The following TSEN15 variants were observed in gnomAD, a reference collection of about 807,000 sequenced individuals.
TSEN15 encodes tRNA splicing endonuclease subunit 15, also known as tRNA-splicing endonuclease subunit Sen15.
In TSEN15, 10 loss-of-function variants were observed where a neutral mutation model predicts 20.5. The observed-to-expected ratio is 0.49, with a 90% CI of 0.30 to 0.83. TSEN15 has a LOEUF of 0.83. TSEN15 is among the 40% of genes least tolerant of loss of function. TSEN15 has a pLI of 0.06. For synonymous variants in TSEN15, 72 were observed against 80.1 expected (o/e 0.90, Z 0.54); for missense variants, 180 against 218.6 (o/e 0.82, Z 1.11).
intron 3 of TSEN15, among the ~76,000 whole-genome samples, chr1:184,084,527 G>A (rs1651227100): frequency 6.6e-6 from 1 of 151,398 alleles, no homozygotes; most frequent in Admixed American, 6.6e-5. Flanking sequence ...CAGGTGGGAT[G>A]GGGTGTGATA....
At chr1:184,085,655 C>T (rs1651249971) in intron 3 of TSEN15, among the ~76,000 whole-genome samples, 1 of 152,182 alleles carries the variant, frequency 6.6e-6, no homozygotes, top group African/African-American at 2.4e-5. Flanking sequence ...AGAGGACCAG[C>T]CTTGCGGGCA....
intron 3 of TSEN15, among the ~76,000 whole-genome samples, chr1:184,081,614 A>G (rs1257102064): frequency 6.6e-6 from 1 of 152,212 alleles, no homozygotes; most frequent in African/African-American, 2.4e-5. Flanking sequence ...GCCGGCAGGT[A>G]GATTTAACAA....
Position 184,053,873 on chromosome 1 carries a change from G to A in TSEN15, c.136-481G>A, listed in dbSNP as rs150488797. 3.1e-3 allele frequency among the ~76,000 whole-genome samples: 469 copies of A among 152,316 alleles called. 2 individuals are homozygous for A. The highest frequency in any genetic ancestry group is 7.3e-3 in the African/African-American group (305 of 41,566). On this transcript the variant is annotated intron_variant, in intron 1 of 4. Coordinates refer to ENST00000645668, the MANE Select transcript of TSEN15 (RefSeq NM_052965.4). ...TACCCACTAACATGTCCCATCACAAGTTTTATTAAAAAGGTTTCTCTATTG... is the reference window on the plus strand; with the variant it reads ...TACCCACTAACATGTCCCATCACAAATTTTATTAAAAAGGTTTCTCTATTG...
chr1:184,077,065 C>T (rs1326883880), downstream of TSEN15, among the ~76,000 whole-genome samples: 5 of 152,058 alleles, frequency 3.3e-5, no homozygotes, highest in Admixed American at 1.3e-4. Flanking sequence ...TGTAGACAGA[C>T]GGCCTTATAT....
chr1:184,053,886 G>T (rs1336238647), intron 1 of TSEN15, among the ~76,000 whole-genome samples: 1 of 152,176 alleles, frequency 6.6e-6, no homozygotes, highest in Non-Finnish European at 1.5e-5. Flanking sequence ...TTATTAAAAA[G>T]GTTTCTCTAT....
At chr1:184,095,405 G>T (rs572815546) in intron 3 of TSEN15, 17 of 380,060 alleles carry the variant, frequency 4.5e-5, no homozygotes, top group African/African-American at 3.1e-4. Flanking sequence ...CACACTTGTG[G>T]TGAGGACTCA....
At chr1:184,057,847 G>A (rs373130473) in intron 3 of TSEN15, among the ~76,000 whole-genome samples, 14 of 152,022 alleles carry the variant, frequency 9.2e-5, no homozygotes, top group Non-Finnish European at 1.6e-4. Flanking sequence ...ATAGTTGTTA[G>A]CATTGACATC....
At chr1:184,071,476 T>C (rs1313897676) in intron 3 of TSEN15, among the ~76,000 whole-genome samples, 6 of 151,994 alleles carry the variant, frequency 3.9e-5, no homozygotes, top group Non-Finnish European at 7.4e-5. Flanking sequence ...TAAACATATA[T>C]GACAATAATA....
chr1:184,076,364 G>C (rs943422967), downstream of TSEN15, among the ~76,000 whole-genome samples: 6 of 151,968 alleles, frequency 3.9e-5, no homozygotes. Context: ...GCCCATATAA[G>C]ACAGCAAACT....
intron 3 of TSEN15, among the ~76,000 whole-genome samples, chr1:184,091,877 T>C (rs1344305099): frequency 1.3e-5 from 2 of 152,218 alleles, no homozygotes; most frequent in Non-Finnish European, 2.9e-5. Flanking sequence ...TTATAGCTGT[T>C]AGTGTTAATT....
At position 184,054,452 on chromosome 1, in the gene TSEN15, T is replaced by C; in HGVS notation, c.217+17T>C. 6.3e-7 allele frequency: 1 copy of C among 1,584,616 alleles called. No individual in the cohort carries two copies. Among genetic ancestry groups the C allele is most frequent in the Non-Finnish European group, 8.7e-7 (1 of 1,154,542 alleles). ...TCATGGAAAGTAAGTTGTTTGTTTA[T>C]ATTGTTTTGTTATTGGGACTGTGGT... is the stretch of plus-strand genomic sequence containing the variant. On this transcript the variant is annotated intron_variant, in intron 2 of 4. Transcript: ENST00000645668.
intron 3 of TSEN15, chr1:184,094,782 A>G (rs1367228572): frequency 2.7e-6 from 1 of 367,720 alleles, no homozygotes; most frequent in African/African-American, 2.1e-5. Flanking sequence ...AATTTGTGCT[A>G]TAAGCCATCA....
At chr1:184,090,232 CTA>C (rs1323902707) in intron 3 of TSEN15, among the ~76,000 whole-genome samples, 2 of 152,114 alleles carry the variant, frequency 1.3e-5, no homozygotes, top group Non-Finnish European at 2.9e-5. Flanking sequence ...AGCATTTATG[CTA>C]TATGAATTTA....
chr1:184,068,947 G>A (rs1369179867), intron 3 of TSEN15, among the ~76,000 whole-genome samples: 1 of 152,150 alleles, frequency 6.6e-6, no homozygotes, highest in Non-Finnish European at 1.5e-5. Flanking sequence ...AGCATTTGAA[G>A]TTAAAAGTAA....
intron 3 of TSEN15, among the ~76,000 whole-genome samples, chr1:184,066,476 C>T (rs1470623539): frequency 6.6e-6 from 1 of 151,854 alleles, no homozygotes; most frequent in Non-Finnish European, 1.5e-5. Flanking sequence ...GATCTCGGCT[C>T]ACTGCAACCC....
At chr1:184,052,038 C>A in intron 1 of TSEN15, 148 bp downstream of exon 1, 1 of 858,418 alleles carries the variant, frequency 1.2e-6, no homozygotes, top group Non-Finnish European at 1.6e-6. Context: ...CAACTGCCAG[C>A]CTCAGGCAGC....
At chr1:184,055,061 T>A in intron 3 of TSEN15, 198 bp downstream of exon 3, 1 of 411,048 alleles carries the variant, frequency 2.4e-6, no homozygotes, top group Non-Finnish European at 3.7e-6. Context: ...TGAGACTGAG[T>A]AATTTCTTAA....
chr1:184,061,106 TCTCA>T (rs1429848543), intron 3 of TSEN15, among the ~76,000 whole-genome samples: 1 of 152,186 alleles, frequency 6.6e-6, no homozygotes, highest in Non-Finnish European at 1.5e-5. Flanking sequence ...GTCTTTTGAC[TCTCA>T]CTCAAGAAAG....
At chr1:184,056,685 G>C (rs2102879545) in intron 3 of TSEN15, among the ~76,000 whole-genome samples, 1 of 152,210 alleles carries the variant, frequency 6.6e-6, no homozygotes, top group South Asian at 2.1e-4. Context: ...GGCGGTTAGG[G>C]ATACCATTGT....
Sources: gnomAD v4.1 joint callset for allele counts (sites outside exome capture counted in the v4.1 genomes callset) on GRCh38, gnomAD v4.1.1 for gene constraint, MANE v1.5 for transcripts, NCBI Gene and HGNC (gene_info 2026-07-23, HGNC 2026-07-21) for gene names.